Variants in CEP295 observed in about 807,000 individuals in gnomAD.
CEP295 encodes the protein centrosomal protein of 295 kDa.
Under a neutral mutation model 291.6 loss-of-function variants are expected in CEP295, and 190 were observed. The ratio of observed to expected loss-of-function variants is 0.65; its 90% CI spans 0.58 to 0.73. The LOEUF (loss-of-function observed/expected upper bound fraction) is 0.73. Among genes scored for constraint, CEP295 ranks in the 30% least tolerant of loss-of-function variants. CEP295 has a pLI of 0.00. For missense variants in CEP295, 2,863 were observed against 2,949.4 expected (o/e 0.97, Z 0.68); for synonymous variants, 993 against 1,038.8 (o/e 0.96, Z 0.85).
At chr11:93,695,794 T>G in intron 13 of CEP295, 160 bp downstream of exon 13, 1 of 724,672 alleles carries the variant, frequency 1.4e-6, no homozygotes, top group Non-Finnish European at 2.0e-6. Flanking sequence ...GCAGATCACT[T>G]CAGGTCAGGA....
chr11:93,718,839 G>A (rs962877012), intron 18 of CEP295, among the ~76,000 whole-genome samples: 9 of 152,130 alleles, frequency 5.9e-5, no homozygotes, highest in South Asian at 2.1e-4. Flanking sequence ...AGCCAGGCAC[G>A]GTGGCTCACG....
chr11:93,697,209 A>G lies in CEP295; in HGVS notation c.2297A>G (p.Gln766Arg). The G allele has an allele frequency of 6.4e-7, 1 of 1,551,820 alleles. No individual in the cohort carries two copies. Among genetic ancestry groups the G allele is most frequent in the Non-Finnish European group, 8.7e-7 (1 of 1,147,012 alleles). The change falls in exon 15 of 30, where the codon CAA becomes CGA. Residue 766 changes from glutamine to arginine, a missense_variant. By Grantham distance (43) the Gln-to-Arg change is conservative. Around this residue, in one of 3 missense-constraint regions of CEP295, gnomAD observed 2,295 missense variants for 2,335.7 expected, o/e 0.98. Coordinates refer to ENST00000325212, the MANE Select transcript of CEP295 (RefSeq NM_033395.2). Reference sequence around the variant, plus strand: ...ACAACTTTTCAAAGTTTAGAATCCCAACAATTGTTCTCAGAGAATAGTGAA... The same window carrying G: ...ACAACTTTTCAAAGTTTAGAATCCCGACAATTGTTCTCAGAGAATAGTGAA... ...GATTFQSLES[Q>R]QLFSENSENI...
At chr11:93,691,456 A>G (rs766381884) in intron 10 of CEP295, among the ~76,000 whole-genome samples, 2 of 152,202 alleles carry the variant, frequency 1.3e-5, no homozygotes, top group African/African-American at 4.8e-5. Flanking sequence ...TATCTATTAA[A>G]TCAGTTCTTC....
chr11:93,674,937 T>A (rs932553893), intron 5 of CEP295, among the ~76,000 whole-genome samples: 1 of 152,242 alleles, frequency 6.6e-6, no homozygotes, highest in Admixed American at 6.5e-5. Flanking sequence ...ATATTCTTTG[T>A]CAGTTTAGTT....
chr11:93,712,948 T>A (rs1953009787), intron 18 of CEP295, among the ~76,000 whole-genome samples: 1 of 151,996 alleles, frequency 6.6e-6, no homozygotes, highest in East Asian at 1.9e-4. Flanking sequence ...CTTTTTATTT[T>A]TTTTTTTGTA....
chr11:93,722,142 A>G, intron 20 of CEP295, 92 bp downstream of exon 20: 3 of 753,538 alleles, frequency 4.0e-6, no homozygotes. Context: ...GGTTTTCATG[A>G]TACACCATGG....
At chr11:93,722,892 G>T in intron 20 of CEP295, 149 bp from the exon 21 acceptor site, 2 of 579,768 alleles carry the variant, frequency 3.4e-6, no homozygotes, top group Non-Finnish European at 6.0e-6. Context: ...TGTATTTTTA[G>T]TAGAGATGGG....
chr11:93,697,178 G>T lies in CEP295; in HGVS notation c.2266G>T (p.Gly756Trp). 6.4e-7 allele frequency: 1 copy of T among 1,551,804 alleles called. No homozygotes were observed. The highest frequency in any genetic ancestry group is 8.7e-7 in the Non-Finnish European group (1 of 1,147,036). Reference sequence around the variant, plus strand: ...TGCTAGAAAAATATCTGAAACATTTGGGGCAACAACTTTTCAAAGTTTAGA... The same window carrying T: ...TGCTAGAAAAATATCTGAAACATTTTGGGCAACAACTTTTCAAAGTTTAGA... Reference protein sequence around the residue: ...QDARKISETFGATTFQSLESQ... With the variant: ...QDARKISETFWATTFQSLESQ... The change falls in exon 15 of 30, where the codon GGG (glycine) becomes TGG (tryptophan). Residue 756 changes from glycine (G) to tryptophan (W), a missense_variant. By Grantham distance (184) the Gly-to-Trp change is radical. Around this residue, in one of 3 missense-constraint regions of CEP295, gnomAD observed 2,295 missense variants for 2,335.7 expected, o/e 0.98. Transcript: ENST00000325212.
At chr11:93,703,710 A>T in intron 17 of CEP295, among the ~76,000 whole-genome samples, 1 of 149,798 alleles carries the variant, frequency 6.7e-6, no homozygotes, top group Non-Finnish European at 1.5e-5. Context: ...TATTCACTGT[A>T]CTACTTTCTA....
At chr11:93,689,420 G>A (rs1370044933) in intron 10 of CEP295, among the ~76,000 whole-genome samples, 1 of 152,182 alleles carries the variant, frequency 6.6e-6, no homozygotes, top group South Asian at 2.1e-4. Flanking sequence ...CTTGCTCGCT[G>A]TTTCTCAGAC....
At position 93,730,220 on chromosome 11, in the gene CEP295, T is replaced by G. The variant is rs1400123764; in HGVS notation, c.7768-11T>G. On this transcript the variant is annotated splice_polypyrimidine_tract_variant and intron_variant, in intron 29 of 29. Coordinates refer to ENST00000325212, the MANE Select transcript of CEP295 (RefSeq NM_033395.2). ...ACACAACTGAAACTCAAATTTTTAT[T>G]CCTTCCACAGAAAACACTAGAGAAA... 2.1e-5 allele frequency: 33 copies of G among 1,551,272 alleles called. No homozygotes were observed. The highest frequency in any genetic ancestry group is 2.6e-5 in the Non-Finnish European group (30 of 1,146,888).
At chr11:93,728,976 A>G (rs1937867399) in intron 25 of CEP295, 155 bp downstream of exon 25, 1 of 626,032 alleles carries the variant, frequency 1.6e-6, no homozygotes, top group Admixed American at 3.4e-5. Flanking sequence ...TTAAACCTTC[A>G]CTATTCTGTC....
In CEP295 at chr11:93,700,156, G is replaced by C. The variant is rs1208270495; in HGVS notation, c.5244G>C (p.Glu1748Asp). The C allele has an allele frequency of 6.5e-7, 1 of 1,548,526 alleles. No homozygotes were observed. Among genetic ancestry groups the C allele is most frequent in the Non-Finnish European group, 8.7e-7 (1 of 1,146,184 alleles). Residue 1748 changes from glutamate (E) to aspartate (D), a missense_variant, in exon 15 of 30, where the codon GAG becomes GAC. Glu to Asp is a conservative substitution (Grantham distance 45). Coordinates refer to ENST00000325212, the MANE Select transcript of CEP295 (RefSeq NM_033395.2). ...AGCAGCAGATACAGAAACATGAAGA[G>C]ACTTTGAAGGATTTCTTTAAAGACA... ...ALQQQIQKHE[E>D]TLKDFFKDSQ...
chr11:93,706,043 G>T (rs540549999), intron 17 of CEP295, among the ~76,000 whole-genome samples: 13 of 152,250 alleles, frequency 8.5e-5, no homozygotes, highest in Admixed American at 5.2e-4. Flanking sequence ...CCTGCTTTCT[G>T]TGCCTGATCC....
Position 93,669,770 on chromosome 11 carries a change from G to A in CEP295, c.528G>A (p.Glu176=). 6.5e-7 allele frequency: 1 copy of A among 1,545,020 alleles called. No homozygotes were observed. Among genetic ancestry groups the A allele is most frequent in the Non-Finnish European group, 8.8e-7 (1 of 1,141,470 alleles). Residue 176 remains glutamate, a splice_region_variant and synonymous_variant, in exon 5 of 30, where the codon GAG becomes GAA. Coordinates refer to ENST00000325212, the MANE Select transcript of CEP295 (RefSeq NM_033395.2). The part of the protein sequence containing the change: ...SLPPPPPTLF[E]NIEVKRISAV... ...CACCTCCTCCTCCAACTCTTTTTGA[G>A]GTGAGTTTGAGTATTAAGAGGAACT...
intron 24 of CEP295, 88 bp from the exon 25 acceptor site, chr11:93,728,593 G>C: frequency 1.7e-6 from 2 of 1,190,810 alleles, no homozygotes; most frequent in Non-Finnish European, 2.2e-6. Context: ...ATATACACTT[G>C]CAAAAAATGT....
At chr11:93,690,925 A>G (rs934969228) in intron 10 of CEP295, among the ~76,000 whole-genome samples, 5 of 152,176 alleles carry the variant, frequency 3.3e-5, no homozygotes, top group Non-Finnish European at 4.4e-5. Flanking sequence ...AAGGTCTCCT[A>G]TACATCTTCA....
chr11:93,717,876 T>C (rs1953386665), intron 18 of CEP295, among the ~76,000 whole-genome samples: 1 of 152,196 alleles, frequency 6.6e-6, no homozygotes, highest in South Asian at 2.1e-4. Flanking sequence ...GCTTTTCTCT[T>C]TCTCAGAATC....
rs752134972 is a variant in CEP295, at chr11:93,697,931, C to T, written c.3019C>T (p.Leu1007=). ...GGTAGCTCAGCATACATTTACTTCA[C>T]TACCATCTGCTGATACAAAATCTGG... ...FQVAQHTFTS[L]PSADTKSGKI... Residue 1007 remains leucine, a synonymous_variant, in exon 15 of 30, where the codon CTA becomes TTA. Transcript: ENST00000325212. The T allele has an allele frequency of 6.4e-7, 1 of 1,551,678 alleles. No individual in the cohort carries two copies.
Sources: gnomAD v4.1 joint callset for allele counts (sites outside exome capture counted in the v4.1 genomes callset) on GRCh38, gnomAD v4.1.1 for gene constraint, gnomAD v4.1.1 regional missense constraint, MANE v1.5 for transcripts, NCBI Gene and HGNC (gene_info 2026-07-23, HGNC 2026-07-21) for gene names.